AP3B1: variants seen among roughly 807,000 people sequenced by gnomAD.
AP3B1 encodes AP-3 complex subunit beta-1.
In AP3B1, 61 loss-of-function variants were observed where a neutral mutation model predicts 132.5. The ratio of observed to expected loss-of-function variants is 0.46; its 90% CI spans 0.37 to 0.57. The LOEUF (loss-of-function observed/expected upper bound fraction) is 0.57, where lower values mean the gene tolerates loss of function less well. AP3B1 is among the 20% of genes least tolerant of loss of function. The pLI is 0.00. For missense variants in AP3B1, 1,120 were observed against 1,289.4 expected, an observed-to-expected ratio of 0.87 and a Z score of 2.01; for synonymous variants, 388 against 438.3, an observed-to-expected ratio of 0.89 and a Z score of 1.43.
chr5:78,219,999 A>G (rs1746113176), intron 6 of AP3B1, among the ~76,000 whole-genome samples: 1 of 152,082 alleles, frequency 6.6e-6, no homozygotes, highest in Non-Finnish European at 1.5e-5. Flanking sequence ...TAACTGGGAG[A>G]TTTTTTAAAT....
At chr5:78,079,096 G>A (rs946782250) in intron 22 of AP3B1, among the ~76,000 whole-genome samples, 1 of 152,148 alleles carries the variant, frequency 6.6e-6, no homozygotes, top group African/African-American at 2.4e-5. Flanking sequence ...TCTGTGTCTG[G>A]CTTTGCCAAA....
At chr5:78,206,594 A>C (rs1177346925) in intron 7 of AP3B1, among the ~76,000 whole-genome samples, 1 of 152,294 alleles carries the variant, frequency 6.6e-6, no homozygotes. Flanking sequence ...AAAGCATATC[A>C]CTCAACACGT....
At chr5:78,218,826 TCC>T (rs1388433814) in intron 6 of AP3B1, among the ~76,000 whole-genome samples, 1 of 152,106 alleles carries the variant, frequency 6.6e-6, no homozygotes, top group Non-Finnish European at 1.5e-5. Flanking sequence ...AAGATTTTCT[TCC>T]CTTAAATTAA....
rs994310425 is a variant in AP3B1 at position 78,181,441 on chromosome 5, T to A, written c.942+66A>T. 3.4e-6 allele frequency: 5 copies of A among 1,467,088 alleles called. No individual in the cohort carries two copies. In the African/African-American group the frequency reaches 6.9e-5, roughly 20 times the overall value. The allele number at this position is 1,467,088 out of a possible 1,614,324, so 90.9% of individuals were successfully genotyped here. ...GCACACACAGACTCACTTACTAAAT[T>A]GAGATATTTTTAATTGCTGTTTTTT... On this transcript the variant is annotated intron_variant, in intron 8 of 26. Coordinates refer to ENST00000255194, the MANE Select transcript of AP3B1 (RefSeq NM_003664.5).
chr5:78,116,562 A>G (rs1242882918), intron 17 of AP3B1, among the ~76,000 whole-genome samples: 3 of 152,284 alleles, frequency 2.0e-5, no homozygotes, highest in Admixed American at 6.5e-5. Context: ...AGCAGATACA[A>G]TAACAGCAAT....
intron 24 of AP3B1, among the ~76,000 whole-genome samples, chr5:78,026,118 C>G (rs1046002904): frequency 2.0e-5 from 3 of 152,126 alleles, no homozygotes; most frequent in African/African-American, 7.2e-5. Flanking sequence ...AGGGGAGAGA[C>G]AGATTATCTC....
chr5:78,122,101 G>GATT (rs1261945023), intron 17 of AP3B1, among the ~76,000 whole-genome samples: 1 of 152,140 alleles, frequency 6.6e-6, no homozygotes, highest in African/African-American at 2.4e-5. Flanking sequence ...AAAACCACAT[G>GATT]ATTATCTCAA....
At chr5:78,293,918 G>A (rs1199075556) in intron 1 of AP3B1, among the ~76,000 whole-genome samples, 2 of 151,926 alleles carry the variant, frequency 1.3e-5, no homozygotes, top group African/African-American at 4.8e-5. Context: ...GTAGTGCAAA[G>A]GACATAATCC....
At chr5:78,207,695 T>C (rs1372235354) in intron 7 of AP3B1, among the ~76,000 whole-genome samples, 1 of 151,900 alleles carries the variant, frequency 6.6e-6, no homozygotes, top group Non-Finnish European at 1.5e-5. Flanking sequence ...TTTAAACAGG[T>C]TTTTTTAGCA....
intron 17 of AP3B1, among the ~76,000 whole-genome samples, chr5:78,123,516 C>A (rs1473071049): frequency 6.6e-6 from 1 of 152,054 alleles, no homozygotes; most frequent in Non-Finnish European, 1.5e-5. Flanking sequence ...AAACAAACAA[C>A]CCCATCAAAA....
intron 17 of AP3B1, among the ~76,000 whole-genome samples, chr5:78,122,775 G>C (rs1410919897): frequency 2.0e-5 from 3 of 152,234 alleles, no homozygotes; most frequent in East Asian, 3.9e-4. Flanking sequence ...TACTGCCCAA[G>C]GTAATTTATA....
intron 22 of AP3B1, among the ~76,000 whole-genome samples, chr5:78,046,667 T>C (rs1393452332): frequency 2.0e-5 from 3 of 152,032 alleles, no homozygotes; most frequent in Admixed American, 6.6e-5. Flanking sequence ...AAAGGCTGAA[T>C]AGATTTGCTA....
At chr5:78,110,146 G>T in intron 20 of AP3B1, 61 bp downstream of exon 20, 1 of 1,425,524 alleles carries the variant, frequency 7.0e-7, no homozygotes, top group African/African-American at 1.4e-5. Context: ...GGATGGTGTT[G>T]TCTATTTTAG....
chr5:78,189,356 T>C (rs114872529), intron 7 of AP3B1, among the ~76,000 whole-genome samples: 2,261 of 152,300 alleles, frequency 0.015, 58 homozygotes, highest in African/African-American at 0.051. Flanking sequence ...TTATATGGTT[T>C]GATTTTAATA....
chr5:78,130,865 T>C (rs923634581), intron 15 of AP3B1, among the ~76,000 whole-genome samples: 1 of 151,870 alleles, frequency 6.6e-6, no homozygotes, highest in African/African-American at 2.4e-5. Context: ...TTAATTGCAA[T>C]GATTTTTTTG....
At chr5:78,202,351 C>T (rs1017836335) in intron 7 of AP3B1, among the ~76,000 whole-genome samples, 3 of 152,072 alleles carry the variant, frequency 2.0e-5, no homozygotes, top group African/African-American at 7.2e-5. Flanking sequence ...TTAGGAGGAG[C>T]TCCTCTCCTG....
At chr5:78,257,720 T>G (rs1747907978) in intron 2 of AP3B1, among the ~76,000 whole-genome samples, 3 of 151,922 alleles carry the variant, frequency 2.0e-5, no homozygotes. Flanking sequence ...CAAAGTTATA[T>G]TAAGCAAAAA....
chr5:78,167,623 TTATATA>T (rs141625232), intron 11 of AP3B1, among the ~76,000 whole-genome samples: 4 of 140,856 alleles, frequency 2.8e-5, no homozygotes, highest in Non-Finnish European at 3.1e-5. Flanking sequence ...AAAGAACATG[TTATATA>T]TATACACACA....
Position 78,162,948 on chromosome 5 carries a change from A to G in AP3B1, c.1234T>C (p.Tyr412His), listed in dbSNP as rs781034104. 1.9e-6 allele frequency: 3 copies of G among 1,613,314 alleles called. No homozygotes were observed. The highest frequency in any genetic ancestry group is 4.5e-5 in the East Asian group (2 of 44,886). ...AATTGTTTATCCTGGCTTTTCACATAGGTCTAAAAGATATTATTTCAATTA... is the reference window on the plus strand; with the variant it reads ...AATTGTTTATCCTGGCTTTTCACATGGGTCTAAAAGATATTATTTCAATTA... ...ISTLLREFQT[Y>H]VKSQDKQFAA... The change falls in exon 13 of 27, where the codon TAT (tyrosine) becomes CAT (histidine). Residue 412 changes from tyrosine to histidine, a missense_variant. Tyr to His is a moderately conservative substitution (Grantham distance 83). This residue lies in a region of AP3B1 where 906 missense variants were observed against 997.1 expected (regional missense o/e 0.91). Coordinates refer to ENST00000255194, the MANE Select transcript of AP3B1 (RefSeq NM_003664.5).
Sources: gnomAD v4.1 joint callset for allele counts (sites outside exome capture counted in the v4.1 genomes callset) on GRCh38, gnomAD v4.1.1 for gene constraint, gnomAD v4.1.1 regional missense constraint, MANE v1.5 for transcripts, NCBI Gene and HGNC (gene_info 2026-07-23, HGNC 2026-07-21) for gene names.